Variants in DDX10 observed in about 807,000 individuals in gnomAD.
The protein encoded by DDX10 is probable ATP-dependent RNA helicase DDX10.
DDX10 carries 74 observed loss-of-function variants against 104.3 expected under a neutral mutation model. The observed-to-expected ratio is 0.71, with a 90% confidence interval of 0.59 to 0.86. DDX10 has a LOEUF of 0.86. Among genes scored for constraint, DDX10 ranks in the 40% least tolerant of loss-of-function variants. The probability of loss-of-function intolerance (pLI) is 0.00; values close to 1 mark genes in which losing one functional copy is unlikely to be tolerated. For missense variants in DDX10, 952 were observed against 1,040.0 expected (o/e 0.92, Z 1.16); for synonymous variants, 351 against 353.4 (o/e 0.99, Z 0.08).
At chr11:108,837,552 G>A (rs1420040680) in intron 13 of DDX10, among the ~76,000 whole-genome samples, 1 of 143,820 alleles carries the variant, frequency 7.0e-6, no homozygotes, top group African/African-American at 2.6e-5. Flanking sequence ...TTGTGAGCTA[G>A]GTCCTAATCA....
At chr11:108,760,949 A>T (rs1381385740) in intron 13 of DDX10, among the ~76,000 whole-genome samples, 1 of 152,082 alleles carries the variant, frequency 6.6e-6, no homozygotes, top group Non-Finnish European at 1.5e-5. Flanking sequence ...AAGAGTGAAT[A>T]AGTATAGTAA....
chr11:108,718,371 C>T (rs2134471768), intron 11 of DDX10, among the ~76,000 whole-genome samples: 1 of 152,236 alleles, frequency 6.6e-6, no homozygotes, highest in East Asian at 1.9e-4. Context: ...GATCTTTGAA[C>T]AAATGGTTAA....
At chr11:108,723,515 T>C in intron 13 of DDX10, 53 bp downstream of exon 13, 1 of 1,505,644 alleles carries the variant, frequency 6.6e-7, no homozygotes, top group Non-Finnish European at 8.9e-7. Flanking sequence ...ACTATGTGCT[T>C]ATTGTTGCCT....
chr11:108,687,305 A>C (rs549894787), intron 6 of DDX10, among the ~76,000 whole-genome samples: 2 of 151,866 alleles, frequency 1.3e-5, no homozygotes, highest in African/African-American at 4.8e-5. Context: ...GATCATCTTT[A>C]AATTGTTTTT....
At chr11:108,905,343 G>T (rs1443213975) in intron 16 of DDX10, among the ~76,000 whole-genome samples, 1 of 144,776 alleles carries the variant, frequency 6.9e-6, no homozygotes, top group South Asian at 2.3e-4. Context: ...CTGTGATCCA[G>T]TCCCACCACC....
At chr11:108,729,581 C>T (rs1427532589) in intron 13 of DDX10, among the ~76,000 whole-genome samples, 1 of 151,330 alleles carries the variant, frequency 6.6e-6, no homozygotes, top group Non-Finnish European at 1.5e-5. Flanking sequence ...TTGTTGCAGG[C>T]CTTTTTTTTT....
intron 13 of DDX10, among the ~76,000 whole-genome samples, chr11:108,738,893 G>A (rs1359967264): frequency 6.6e-6 from 1 of 152,156 alleles, no homozygotes; most frequent in Non-Finnish European, 1.5e-5. Context: ...AAGTCCCACA[G>A]GGGCCACATG....
intron 13 of DDX10, among the ~76,000 whole-genome samples, chr11:108,775,659 T>C (rs1013429396): frequency 6.6e-6 from 1 of 152,242 alleles, no homozygotes; most frequent in African/African-American, 2.4e-5. Flanking sequence ...AAAATGTGAC[T>C]TCAGATACTT....
chr11:108,915,350 A>T (rs1863732851), intron 16 of DDX10, among the ~76,000 whole-genome samples: 1 of 152,148 alleles, frequency 6.6e-6, no homozygotes, highest in Non-Finnish European at 1.5e-5. Context: ...AATTTTGGAA[A>T]ACTTGTATTC....
intron 13 of DDX10, among the ~76,000 whole-genome samples, chr11:108,784,653 C>G (rs184350814): frequency 6.6e-6 from 1 of 152,132 alleles, no homozygotes; most frequent in Non-Finnish European, 1.5e-5. Flanking sequence ...GCTGTTTACT[C>G]TGTTGGGAAT....
chr11:108,689,169 G>A, intron 7 of DDX10, 107 bp downstream of exon 7: 1 of 1,183,312 alleles, frequency 8.5e-7, no homozygotes, highest in Non-Finnish European at 1.2e-6. Flanking sequence ...AGTGCTAGGT[G>A]TGGTGAGGGA....
chr11:108,843,739 G>A (rs139084435), intron 15 of DDX10, among the ~76,000 whole-genome samples: 3,777 of 149,690 alleles, frequency 0.025, 99 homozygotes, highest in African/African-American at 0.07. Flanking sequence ...CTGGGCAACA[G>A]GAGTGAGACT....
chr11:108,745,790 A>C (rs906956568), intron 13 of DDX10, among the ~76,000 whole-genome samples: 11 of 152,310 alleles, frequency 7.2e-5, no homozygotes, highest in African/African-American at 2.6e-4. Context: ...CAGATATTGA[A>C]GTCTTCTAGA....
intron 16 of DDX10, among the ~76,000 whole-genome samples, chr11:108,898,257 A>C (rs930090557): frequency 6.6e-6 from 1 of 152,086 alleles, no homozygotes; most frequent in African/African-American, 2.4e-5. Flanking sequence ...TAACCAGACA[A>C]AAAGAATGAC....
rs372537421 is a variant in DDX10, at chr11:108,881,534, T to A, written c.2304+29325T>A. Among the ~76,000 whole-genome samples the A allele has an allele frequency of 1.9e-4, 29 of 152,322 alleles. 1 individual carries two copies. Among genetic ancestry groups the A allele is most frequent in the African/African-American group, 7.0e-4 (29 of 41,582 alleles). On this transcript the variant is annotated intron_variant, in intron 16 of 17. Transcript: ENST00000322536. ...TTAGAATTTTCTGACTTTATGATGGTGTGAAAGTGATCCACATTCAGTAGA... is the reference window on the plus strand; with the variant it reads ...TTAGAATTTTCTGACTTTATGATGGAGTGAAAGTGATCCACATTCAGTAGA...
chr11:108,902,292 T>C (rs1196119191), intron 16 of DDX10, among the ~76,000 whole-genome samples: 1 of 152,176 alleles, frequency 6.6e-6, no homozygotes, highest in Non-Finnish European at 1.5e-5. Flanking sequence ...GCCAGAGGCT[T>C]AGGGCACAAA....
intron 16 of DDX10, among the ~76,000 whole-genome samples, chr11:108,877,666 A>C (rs913175409): frequency 1.6e-4 from 25 of 152,216 alleles, no homozygotes; most frequent in African/African-American, 5.8e-4. Flanking sequence ...GATATGTAAA[A>C]GATCTATATT....
intron 13 of DDX10, among the ~76,000 whole-genome samples, chr11:108,768,312 G>A (rs2094358791): frequency 6.6e-6 from 1 of 152,154 alleles, no homozygotes; most frequent in Admixed American, 6.5e-5. Flanking sequence ...GGAGCAGGAT[G>A]TTCCTTTGGG....
rs570577710 is a variant in DDX10, at chr11:108,694,797, C to T, written c.1223+1197C>T. ...TTGGGAGGCTGAGGCAGGAGAATCA[C>T]GTGAACCCGGGAGGCGGAGGTTGCA... is the stretch of plus-strand genomic sequence containing the variant. On this transcript the variant is annotated intron_variant, in intron 9 of 17. Coordinates refer to ENST00000322536, the MANE Select transcript of DDX10 (RefSeq NM_004398.4). Among the ~76,000 whole-genome samples the T allele has an allele frequency of 8.5e-5, 13 of 152,266 alleles. No individual in the cohort carries two copies. The South Asian group carries it at 2.5e-3, about 29-fold the overall frequency.
Sources: allele counts gnomAD v4.1 joint callset (sites outside exome capture counted in the v4.1 genomes callset), GRCh38; gene constraint gnomAD v4.1.1; transcripts MANE v1.5; gene names NCBI Gene and HGNC (gene_info 2026-07-23, HGNC 2026-07-21).